Variants in DSCAM observed in about 807,000 individuals in gnomAD.
DSCAM encodes DS cell adhesion molecule, also known as cell adhesion molecule DSCAM.
Under a neutral mutation model 217.7 loss-of-function variants are expected in DSCAM, and 47 were observed. The observed-to-expected ratio is 0.22, with a 90% CI of 0.17 to 0.28. DSCAM has a LOEUF of 0.28. Ranked by LOEUF, DSCAM falls within the 10% of genes least tolerant of loss-of-function variation. The pLI is 1.00. For synonymous variants in DSCAM, 1,056 were observed against 1,015.3 expected, an observed-to-expected ratio of 1.04 and a Z score of -0.76; for missense variants, 2,080 against 2,618.3, an observed-to-expected ratio of 0.79 and a Z score of 4.49.
intron 9 of DSCAM, among the ~76,000 whole-genome samples, chr21:40,299,696 C>T (rs947233513): frequency 6.6e-6 from 1 of 151,964 alleles, no homozygotes; most frequent in African/African-American, 2.4e-5. Context: ...GAATGAGGAC[C>T]CAGTGTTTAA....
intron 4 of DSCAM, among the ~76,000 whole-genome samples, chr21:40,368,618 G>C (rs145414529): frequency 1.2e-3 from 180 of 152,252 alleles, no homozygotes; most frequent in African/African-American, 3.7e-3. Context: ...TTCCCATAAA[G>C]CATTATTACA....
chr21:40,280,803 G>A (rs997025579), intron 10 of DSCAM, among the ~76,000 whole-genome samples: 6 of 152,166 alleles, frequency 3.9e-5, no homozygotes, highest in East Asian at 1.9e-4. Flanking sequence ...GATCATGACT[G>A]CCATCTCTTT....
At chr21:40,528,119 T>C (rs2076414454) in intron 3 of DSCAM, among the ~76,000 whole-genome samples, 1 of 152,248 alleles carries the variant, frequency 6.6e-6, no homozygotes, top group Non-Finnish European at 1.5e-5. Context: ...GATGACTTCA[T>C]AAATCATCAT....
chr21:40,449,987 GTTTCT>G (rs1246218625), intron 3 of DSCAM, among the ~76,000 whole-genome samples: 6 of 152,030 alleles, frequency 3.9e-5, no homozygotes, highest in Admixed American at 2.6e-4. Flanking sequence ...GATTTTTTGT[GTTTCT>G]TTTAAGAAAG....
intron 3 of DSCAM, among the ~76,000 whole-genome samples, chr21:40,473,124 G>C (rs1476816209): frequency 3.3e-5 from 5 of 152,320 alleles, no homozygotes; most frequent in African/African-American, 1.2e-4. Context: ...AGCAGCCATG[G>C]CAACTCAGTT....
At chr21:40,273,589 C>T (rs1218878968) in intron 11 of DSCAM, among the ~76,000 whole-genome samples, 2 of 152,126 alleles carry the variant, frequency 1.3e-5, no homozygotes, top group Non-Finnish European at 2.9e-5. Flanking sequence ...TTTTGAAGGC[C>T]CTTGTGTCTT....
intron 1 of DSCAM, among the ~76,000 whole-genome samples, chr21:40,837,914 C>T (rs1403984026): frequency 2.0e-5 from 3 of 152,176 alleles, no homozygotes; most frequent in African/African-American, 7.2e-5. Flanking sequence ...AAATGCTCTA[C>T]AGCCGAGATT....
At chr21:40,504,220 G>A (rs1270620214) in intron 3 of DSCAM, among the ~76,000 whole-genome samples, 1 of 152,128 alleles carries the variant, frequency 6.6e-6, no homozygotes, top group Admixed American at 6.5e-5. Flanking sequence ...AAAAGAGTGG[G>A]GCGAGGAGAG....
At chr21:40,192,838 G>T (rs73364145) in intron 11 of DSCAM, among the ~76,000 whole-genome samples, 8,907 of 152,140 alleles carry the variant, frequency 0.059, 609 homozygotes, top group African/African-American at 0.17. Flanking sequence ...GCACACTGGG[G>T]TTGTTTCTAC....
At chr21:40,464,630 C>G (rs975084001) in intron 3 of DSCAM, among the ~76,000 whole-genome samples, 4 of 152,194 alleles carry the variant, frequency 2.6e-5, no homozygotes, top group African/African-American at 9.7e-5. Context: ...ATATATCCGA[C>G]TTCTACCCAC....
At chr21:40,411,683 C>T (rs1736851854) in intron 3 of DSCAM, among the ~76,000 whole-genome samples, 1 of 151,930 alleles carries the variant, frequency 6.6e-6, no homozygotes, top group Non-Finnish European at 1.5e-5. Context: ...AACAGAAAGA[C>T]TGAAGAAGTG....
intron 3 of DSCAM, among the ~76,000 whole-genome samples, chr21:40,377,010 A>G (rs1488515398): frequency 6.6e-6 from 1 of 152,084 alleles, no homozygotes; most frequent in Admixed American, 6.6e-5. Flanking sequence ...TCATACTTGG[A>G]TAGTGTGTGC....
At chr21:40,578,482 A>ACTCTGTAAAACGGACCAATCAGCG (rs1568917882) in intron 3 of DSCAM, among the ~76,000 whole-genome samples, 2 of 146,218 alleles carry the variant, frequency 1.4e-5, no homozygotes, top group Admixed American at 6.7e-5. Flanking sequence ...ACCAATCAGC[A>ACTCTGTAAAACGGACCAATCAGCG]CTCTGTAAAA....
At chr21:40,610,165 A>G (rs2089294007) in intron 3 of DSCAM, among the ~76,000 whole-genome samples, 5 of 152,218 alleles carry the variant, frequency 3.3e-5, no homozygotes, top group Admixed American at 3.3e-4. Context: ...TGAAATTCAG[A>G]AAGCCCAGCG....
intron 26 of DSCAM, among the ~76,000 whole-genome samples, chr21:40,076,993 C>T (rs1376665520): frequency 6.6e-6 from 1 of 152,144 alleles, no homozygotes; most frequent in African/African-American, 2.4e-5. Flanking sequence ...CAGGGAGAGG[C>T]CAGCTTGGAA....
At chr21:40,688,796 T>A (rs1385796491) in intron 3 of DSCAM, among the ~76,000 whole-genome samples, 2 of 152,202 alleles carry the variant, frequency 1.3e-5, no homozygotes, top group Non-Finnish European at 2.9e-5. Flanking sequence ...CATCAGATAT[T>A]ATGAATCTTT....
At chr21:40,644,688 T>G (rs2089922697) in intron 3 of DSCAM, among the ~76,000 whole-genome samples, 1 of 152,218 alleles carries the variant, frequency 6.6e-6, no homozygotes, top group Non-Finnish European at 1.5e-5. Context: ...TTGAGCTGCT[T>G]GCTTGAGCCT....
intron 20 of DSCAM, among the ~76,000 whole-genome samples, chr21:40,118,371 A>T (rs2089996282): frequency 6.6e-6 from 1 of 152,158 alleles, no homozygotes; most frequent in Non-Finnish European, 1.5e-5. Context: ...CGATCACTTG[A>T]GGTCAGAAGT....
intron 3 of DSCAM, among the ~76,000 whole-genome samples, chr21:40,674,325 T>C (rs2090311551): frequency 6.6e-6 from 1 of 152,212 alleles, no homozygotes; most frequent in Admixed American, 6.5e-5. Flanking sequence ...AGCATTAATT[T>C]TTAAAATATG....
Sources: allele counts gnomAD v4.1 joint callset (sites outside exome capture counted in the v4.1 genomes callset), GRCh38; gene constraint gnomAD v4.1.1; transcripts MANE v1.5; gene names NCBI Gene and HGNC (gene_info 2026-07-23, HGNC 2026-07-21).